CR1: variants seen among roughly 807,000 people sequenced by gnomAD.
The protein encoded by CR1 is complement receptor type 1.
Under a neutral mutation model 187.3 loss-of-function variants are expected in CR1, and 116 were observed. The ratio of observed to expected loss-of-function variants is 0.62; its 90% confidence interval spans 0.53 to 0.72. CR1 has a LOEUF of 0.72. Ranked by LOEUF, CR1 falls within the 30% of genes least tolerant of loss-of-function variation. The pLI is 0.00. For missense variants in CR1, 1,731 were observed against 2,110.7 expected (o/e 0.82, Z 3.52); for synonymous variants, 576 against 747.1 (o/e 0.77, Z 3.73).
intron 46 of CR1, among the ~76,000 whole-genome samples, chr1:207,632,016 A>G (rs1445363524): frequency 6.6e-6 from 1 of 152,208 alleles, no homozygotes; most frequent in East Asian, 1.9e-4. Flanking sequence ...AGGAAGTGGA[A>G]AAGGTATTTT....
intron 35 of CR1, chr1:207,599,013 A>AT (rs1362275854): frequency 6.6e-6 from 1 of 152,242 alleles, no homozygotes; most frequent in Non-Finnish European, 1.5e-5. Flanking sequence ...AGATCTATGT[A>AT]TCAACAGAGT....
chr1:207,615,991 A>G (rs1004625600), intron 40 of CR1, among the ~76,000 whole-genome samples: 1 of 152,186 alleles, frequency 6.6e-6, no homozygotes, highest in Non-Finnish European at 1.5e-5. Flanking sequence ...GGAGGAAGAA[A>G]TGGTGGCTAA....
At chr1:207,584,532 C>T in intron 32 of CR1, 117 bp from the exon 33 acceptor site, 2 of 1,293,960 alleles carry the variant, frequency 1.5e-6, no homozygotes, top group Non-Finnish European at 2.1e-6. Flanking sequence ...TTCTACTTTC[C>T]TTAAGAAGAA....
At chr1:207,622,658 A>G (rs1449431394) in intron 44 of CR1, among the ~76,000 whole-genome samples, 1 of 152,228 alleles carries the variant, frequency 6.6e-6, no homozygotes, top group Admixed American at 6.5e-5. Flanking sequence ...CAGTATTTTC[A>G]CAATGAAATG....
At chr1:207,596,214 T>C (rs1318816034) in intron 35 of CR1, among the ~76,000 whole-genome samples, 1 of 152,018 alleles carries the variant, frequency 6.6e-6, no homozygotes, top group African/African-American at 2.4e-5. Flanking sequence ...ATTATTACGT[T>C]AAAGTGAATT....
intron 36 of CR1, among the ~76,000 whole-genome samples, chr1:207,608,387 G>A (rs1661812222): frequency 6.6e-6 from 1 of 152,118 alleles, no homozygotes; most frequent in South Asian, 2.1e-4. Flanking sequence ...ATCCACATAT[G>A]TATCTAAGAG....
chr1:207,521,826 A>G (rs146500131), intron 4 of CR1, among the ~76,000 whole-genome samples: 1 of 114,482 alleles, frequency 8.7e-6, no homozygotes, highest in Non-Finnish European at 1.9e-5. Context: ...ATATATATAT[A>G]TGTATATATA....
At chr1:207,577,107 C>T (rs544929887) in intron 28 of CR1, among the ~76,000 whole-genome samples, 197 of 152,020 alleles carry the variant, frequency 1.3e-3, no homozygotes, top group Middle Eastern at 3.4e-3. Context: ...AAAAGTTAGC[C>T]GAGTTTGGTG....
intron 35 of CR1, among the ~76,000 whole-genome samples, chr1:207,590,013 G>A (rs1571566759): frequency 7.0e-6 from 1 of 142,282 alleles, no homozygotes; most frequent in East Asian, 1.9e-4. Context: ...GGGGAGAATG[G>A]AACCAAGTTG....
chr1:207,620,043 T>C lies in CR1; in HGVS notation c.7230T>C (p.Pro2410=), dbSNP rs768220904. 1.9e-6 allele frequency: 3 copies of C among 1,611,698 alleles called. No individual in the cohort carries two copies. The Admixed American group carries it at 5.1e-5, about 27-fold the overall frequency. ...SQCQADDRWD[P]PLAKCTSRTH... is the part of the protein sequence containing the mutation. ...GCCAGGCGGATGACAGATGGGACCC[T>C]CCTCTGGCCAAATGTACCTCTCGTA... is the stretch of plus-strand genomic sequence containing the variant. The change falls in exon 43 of 47, where the codon CCT becomes CCC. Residue 2410 remains proline, a synonymous_variant. Coordinates refer to ENST00000367049, the MANE Select transcript of CR1 (RefSeq NM_000651.6).
chr1:207,514,977 T>A (rs556801965), intron 4 of CR1, among the ~76,000 whole-genome samples: 1 of 131,498 alleles, frequency 7.6e-6, no homozygotes, highest in South Asian at 2.7e-4. Context: ...GGCTGAAGTA[T>A]AACATATATA....
chr1:207,524,157 T>C, intron 5 of CR1, 148 bp downstream of exon 5: 1 of 1,524,794 alleles, frequency 6.6e-7, no homozygotes, highest in Non-Finnish European at 8.9e-7. Context: ...ATTCAGAAGG[T>C]GTGTGTACAT....
At chr1:207,624,412 T>C (rs1475362155) in intron 45 of CR1, among the ~76,000 whole-genome samples, 4 of 152,198 alleles carry the variant, frequency 2.6e-5, no homozygotes, top group African/African-American at 9.7e-5. Context: ...TCTATACCCA[T>C]AGAAAAACTG....
rs1443930363 is a variant in CR1 at position 207,618,211 on chromosome 1, C to G, written c.7030C>G (p.Gln2344Glu). 1.2e-6 allele frequency: 2 copies of G among 1,613,670 alleles called. No individual in the cohort carries two copies. The highest frequency in any genetic ancestry group is 1.7e-5 in the Admixed American group (1 of 59,984). Residue 2344 changes from glutamine (Q) to glutamate (E), a missense_variant, in exon 42 of 47, where the codon CAG (glutamine) becomes GAG (glutamate). Around this residue, in one of 5 missense-constraint regions of CR1, gnomAD observed 1,312 missense variants for 1,379.6 expected, o/e 0.95. Coordinates refer to ENST00000367049, the MANE Select transcript of CR1 (RefSeq NM_000651.6). ...VGKGFIFCTDQGIWSQLDHYC... is the reference protein window; with the variant it reads ...VGKGFIFCTDEGIWSQLDHYC... ...AAAGGGCTTCATTTTCTGTACAGAC[C>G]AGGGAATCTGGAGCCAATTGGATCA...
At chr1:207,616,877 A>G in intron 41 of CR1, 75 bp downstream of exon 41, 1 of 1,549,756 alleles carries the variant, frequency 6.5e-7, no homozygotes. Flanking sequence ...CTATAGTGAC[A>G]GTCATTTTTG....
chr1:207,593,438 C>A (rs557467581), intron 35 of CR1, among the ~76,000 whole-genome samples: 241 of 152,302 alleles, frequency 1.6e-3, no homozygotes, highest in African/African-American at 5.1e-3. Flanking sequence ...CCTTCCTTTA[C>A]ATCTTATACA....
chr1:207,606,411 G>C (rs561321108), intron 35 of CR1: 2 of 152,310 alleles, frequency 1.3e-5, no homozygotes, highest in East Asian at 3.9e-4. Context: ...GTGGATACTA[G>C]GGATGGCACC....
chr1:207,640,300 A>G lies in CR1; in HGVS notation c.*891A>G, dbSNP rs1055102624. Reference sequence around the variant, plus strand: ...CAGGCACCTGCCAACACGCCCGGCTAATTTTTTTGTATTTTTAGTAGAGAC... The same window carrying G: ...CAGGCACCTGCCAACACGCCCGGCTGATTTTTTTGTATTTTTAGTAGAGAC... On this transcript the variant is annotated 3_prime_UTR_variant, in exon 47 of 47. Coordinates refer to ENST00000367049, the MANE Select transcript of CR1 (RefSeq NM_000651.6). 3 of 152,088 alleles carry G rather than the reference A, an allele frequency of 2.0e-5. No individual in the cohort carries two copies. The highest frequency in any genetic ancestry group is 4.4e-5 in the Non-Finnish European group (3 of 68,022). 9.4% of individuals were successfully genotyped at this position (152,088 alleles called of 1,614,324 possible).
At chr1:207,632,554 C>A (rs1025900451) in intron 46 of CR1, among the ~76,000 whole-genome samples, 1 of 152,010 alleles carries the variant, frequency 6.6e-6, no homozygotes, top group African/African-American at 2.4e-5. Context: ...TTTGGGCGGC[C>A]GAGGCGAGTG....
Sources: gnomAD v4.1 joint callset for allele counts (sites outside exome capture counted in the v4.1 genomes callset) on GRCh38, gnomAD v4.1.1 for gene constraint, gnomAD v4.1.1 regional missense constraint, MANE v1.5 for transcripts, NCBI Gene and HGNC (gene_info 2026-07-23, HGNC 2026-07-21) for gene names.